The following YWHAZ variants were observed in gnomAD, a reference collection of about 807,000 sequenced individuals.
YWHAZ encodes tyrosine 3-monooxygenase/tryptophan 5-monooxygenase activation protein zeta.
For missense variants in YWHAZ, 79 were observed against 284.8 expected, an observed-to-expected ratio of 0.28 and a Z score of 5.20; for synonymous variants, 87 against 103.6, an observed-to-expected ratio of 0.84 and a Z score of 0.97.
At chr8:100,950,345 G>A (rs995361200) in intron 1 of YWHAZ, 3 of 982,052 alleles carry the variant, frequency 3.1e-6, no homozygotes, top group Non-Finnish European at 2.4e-6. Flanking sequence ...ACAGTAACGA[G>A]TGCTCCAAGG....
At chr8:100,942,799 G>A (rs1563685763) in intron 2 of YWHAZ, among the ~76,000 whole-genome samples, 1 of 152,216 alleles carries the variant, frequency 6.6e-6, no homozygotes, top group East Asian at 1.9e-4. Context: ...ATTTTAGAAA[G>A]ATTAGAATAA....
chr8:100,951,622 G>C, intron 1 of YWHAZ: 1 of 985,344 alleles, frequency 1.0e-6, no homozygotes, highest in Middle Eastern at 5.2e-4. Flanking sequence ...GCCGGCGACA[G>C]GGAGATCCCC....
chr8:100,952,408 C>T (rs1810867274), upstream of YWHAZ: 3 of 154,574 alleles, frequency 1.9e-5, no homozygotes, highest in Admixed American at 2.0e-4. Context: ...TCCCTCTCCC[C>T]TGCAGCCTCT....
chr8:100,937,296 T>C (rs1358942223), intron 2 of YWHAZ, among the ~76,000 whole-genome samples: 3 of 152,098 alleles, frequency 2.0e-5, no homozygotes, highest in Non-Finnish European at 2.9e-5. Flanking sequence ...TTTTTTTTTT[T>C]CAAATTTCCT....
chr8:100,952,232 C>T (rs1810849402), upstream of YWHAZ: 1 of 864,896 alleles, frequency 1.2e-6, no homozygotes, highest in Non-Finnish European at 1.4e-6. Context: ...AGCGGAGGCG[C>T]GCGCGTCCTC....
At chr8:100,952,047 A>G (rs1412736503), upstream of YWHAZ, 2 of 989,652 alleles carry the variant, frequency 2.0e-6, no homozygotes, top group African/African-American at 1.7e-5. Flanking sequence ...CACAGGCTAC[A>G]GCCGCTCCGC....
At chr8:100,947,207 T>A (rs1810357732) in intron 2 of YWHAZ, among the ~76,000 whole-genome samples, 1 of 147,538 alleles carries the variant, frequency 6.8e-6, no homozygotes, top group African/African-American at 2.5e-5. Flanking sequence ...TGAGCCGAGA[T>A]CGCGCCACTG....
chr8:100,935,154 A>G (rs1485144704), intron 2 of YWHAZ: 1 of 152,160 alleles, frequency 6.6e-6, no homozygotes. Context: ...CTCAAATAAA[A>G]CAAACAATTA....
intron 2 of YWHAZ, among the ~76,000 whole-genome samples, chr8:100,946,084 C>A (rs146957783): frequency 6.6e-6 from 1 of 152,274 alleles, no homozygotes. Context: ...CAGTGCTATT[C>A]TGGAGGGTAA....
At position 100,948,114 on chromosome 8, in the gene YWHAZ, T is replaced by A; in HGVS notation, c.294+482A>T. The A allele has an allele frequency of 6.5e-7, 1 of 1,535,094 alleles. No individual in the cohort carries two copies. The highest frequency in any genetic ancestry group is 8.7e-7 in the Non-Finnish European group (1 of 1,146,750). On this transcript the variant is annotated intron_variant, in intron 2 of 5. Coordinates refer to ENST00000395958, the MANE Select transcript of YWHAZ (RefSeq NM_145690.3). This position sits in a 1 kb window ranked among gnomAD's most constrained non-coding sequence, Gnocchi z 4.2. Reference sequence around the variant, plus strand: ...AATGCAGGAAGAGGTTTCATAGTTGTGACGCCAGAGTTTTCTGCATGGTTG... The same window carrying A: ...AATGCAGGAAGAGGTTTCATAGTTGAGACGCCAGAGTTTTCTGCATGGTTG...
At chr8:100,933,930 G>C (rs1054847508) in intron 2 of YWHAZ, among the ~76,000 whole-genome samples, 1 of 151,966 alleles carries the variant, frequency 6.6e-6, no homozygotes, top group African/African-American at 2.4e-5. Flanking sequence ...GCCGAGGTGG[G>C]TGGATCACTT....
Position 100,924,419 on chromosome 8 carries a change from G to T in YWHAZ, c.419-121C>A. 1.1e-5 allele frequency: 11 copies of T among 981,578 alleles called. No homozygotes were observed. Among genetic ancestry groups the T allele is most frequent in the Admixed American group, 6.0e-5 (2 of 33,068 alleles). The allele number at this position is 981,578 out of a possible 1,614,324, so 60.8% of individuals were successfully genotyped here. A position where few individuals can be genotyped will look rare whatever the true frequency, so the allele number is the denominator to read the frequency against. On this transcript the variant is annotated intron_variant, in intron 3 of 5. Transcript: ENST00000395958. The surrounding 1 kb of genome is among the most constrained non-coding windows in gnomAD (Gnocchi z 5.7). ...ACTAACCTGTAACAGCTTAATATTT[G>T]TTAATTGAACAAGGTCCTTTTTTTT...
chr8:100,928,535 C>T (rs146520823), intron 2 of YWHAZ, among the ~76,000 whole-genome samples: 97 of 152,086 alleles, frequency 6.4e-4, no homozygotes, highest in African/African-American at 2.3e-3. Context: ...AGTTCGAGAC[C>T]AGCCTGGCCA....
chr8:100,933,869 T>G (rs1813932752), intron 2 of YWHAZ, among the ~76,000 whole-genome samples: 1 of 151,802 alleles, frequency 6.6e-6, no homozygotes, highest in South Asian at 2.1e-4. Flanking sequence ...AAACTTAGCC[T>G]AGCGTGGCCA....
chr8:100,929,869 A>G lies in YWHAZ; in HGVS notation c.295-4830T>C, dbSNP rs191194065. 2.4e-3 allele frequency among the ~76,000 whole-genome samples: 358 copies of G among 152,318 alleles called. 3 individuals are homozygous for G. Among genetic ancestry groups the G allele is most frequent in the African/African-American group, 7.7e-3 (320 of 41,578 alleles). On this transcript the variant is annotated intron_variant, in intron 2 of 5. Transcript: ENST00000395958. Reference sequence around the variant, plus strand: ...AAGCAGCAGTTACAACAAAGCAGAAAAAAACATGGAGGTGCACCAAGTAGA... The same window carrying G: ...AAGCAGCAGTTACAACAAAGCAGAAGAAAACATGGAGGTGCACCAAGTAGA...
At chr8:100,938,827 T>A (rs1036208348) in intron 2 of YWHAZ, among the ~76,000 whole-genome samples, 3 of 152,234 alleles carry the variant, frequency 2.0e-5, no homozygotes, top group African/African-American at 7.2e-5. Flanking sequence ...AGAAAAGTGC[T>A]CCACCAGAAA....
At chr8:100,951,669 G>A (rs895943837) in intron 1 of YWHAZ, 19 of 985,340 alleles carry the variant, frequency 1.9e-5, no homozygotes, top group Non-Finnish European at 2.0e-5. Flanking sequence ...CCACCCCCGG[G>A]GGCAGGACGG....
At chr8:100,923,826 T>G in intron 5 of YWHAZ, 129 bp downstream of exon 5, 1 of 645,162 alleles carries the variant, frequency 1.5e-6, no homozygotes, top group Non-Finnish European at 2.6e-6. Context: ...TGAGATATAT[T>G]TATGAGAGCC....
upstream of YWHAZ, chr8:100,953,235 G>A (rs1810926218): frequency 4.1e-6 from 4 of 985,320 alleles, no homozygotes; most frequent in Admixed American, 6.1e-5. Flanking sequence ...AAGCTTTCAC[G>A]TGAAGACCTC....
Sources: allele counts gnomAD v4.1 joint callset (sites outside exome capture counted in the v4.1 genomes callset), GRCh38; gene constraint gnomAD v4.1.1; non-coding constraint Gnocchi (gnomAD v3.1); transcripts MANE v1.5; gene names NCBI Gene and HGNC (gene_info 2026-07-23, HGNC 2026-07-21).